SIK2: variants seen among roughly 807,000 people sequenced by gnomAD.
SIK2 encodes salt inducible kinase 2.
A neutral mutation model predicts 103.2 loss-of-function variants in SIK2; 29 were observed. The observed-to-expected ratio is 0.28, with a 90% CI of 0.21 to 0.38. The LOEUF (loss-of-function observed/expected upper bound fraction) is 0.38, where lower values mean the gene tolerates loss of function less well. SIK2 is among the 10% of genes least tolerant of loss of function. SIK2 has a pLI of 1.00. For missense variants in SIK2, 879 were observed against 1,171.0 expected (o/e 0.75, Z 3.64); for synonymous variants, 412 against 446.1 (o/e 0.92, Z 0.96).
At chr11:111,709,800 CCTGT>C (rs1943448611) in intron 8 of SIK2, among the ~76,000 whole-genome samples, 1 of 152,202 alleles carries the variant, frequency 6.6e-6, no homozygotes, top group Non-Finnish European at 1.5e-5. Flanking sequence ...ATTCCTTGAT[CCTGT>C]CTGTTATTCC....
chr11:111,661,390 T>G (rs894657860), intron 3 of SIK2, among the ~76,000 whole-genome samples: 5 of 152,216 alleles, frequency 3.3e-5, no homozygotes, highest in African/African-American at 1.2e-4. Flanking sequence ...GACAGCTGTC[T>G]TCTTTTCAGT....
chr11:111,635,329 T>A (rs1185300996), intron 3 of SIK2, among the ~76,000 whole-genome samples: 1 of 150,770 alleles, frequency 6.6e-6, no homozygotes, highest in Non-Finnish European at 1.5e-5. Context: ...GTAAGTGATT[T>A]ATGTGCTGGG....
Position 111,728,760 on chromosome 11 carries a change from TA to T in SIK2, c.*4636del. On this transcript the variant is annotated 3_prime_UTR_variant, in exon 15 of 15. Coordinates refer to ENST00000304987, the MANE Select transcript of SIK2 (RefSeq NM_015191.3). ...TAACACAGTGAAACGCCGTCTCTACTAAAAATACAAAAAATTAGCCGGGCGT... is the reference window on the plus strand; with the variant it reads ...TAACACAGTGAAACGCCGTCTCTACTAAAATACAAAAAATTAGCCGGGCGT... 6.6e-6 allele frequency: 1 copy of T among 152,140 alleles called. No homozygotes were observed. Among genetic ancestry groups the T allele is most frequent in the Non-Finnish European group, 1.5e-5 (1 of 68,018 alleles). 9.4% of individuals were successfully genotyped at this position (152,140 alleles called of 1,614,324 possible). A position where few individuals can be genotyped will look rare whatever the true frequency, so the allele number is the denominator to read the frequency against.
intron 3 of SIK2, among the ~76,000 whole-genome samples, chr11:111,638,421 T>C (rs1942138762): frequency 6.6e-6 from 1 of 152,164 alleles, no homozygotes; most frequent in South Asian, 2.1e-4. Flanking sequence ...TCATCCTTAT[T>C]TTAGCTTCAT....
At chr11:111,619,647 A>G (rs1380555046) in intron 2 of SIK2, among the ~76,000 whole-genome samples, 1 of 152,122 alleles carries the variant, frequency 6.6e-6, no homozygotes, top group Non-Finnish European at 1.5e-5. Context: ...ACCCAGCCTC[A>G]TTTTCTTTTT....
At chr11:111,609,335 G>T (rs183574833) in intron 1 of SIK2, among the ~76,000 whole-genome samples, 14 of 150,208 alleles carry the variant, frequency 9.3e-5, no homozygotes, top group East Asian at 3.9e-4. Flanking sequence ...TTTTTTTTTG[G>T]GGGGGGGACA....
chr11:111,665,990 G>A (rs1233285550), intron 3 of SIK2, among the ~76,000 whole-genome samples: 2 of 152,154 alleles, frequency 1.3e-5, no homozygotes, highest in Non-Finnish European at 2.9e-5. Context: ...AGAGTTCCAG[G>A]CAGTAGACGC....
At chr11:111,626,935 G>T (rs1812445399) in intron 3 of SIK2, among the ~76,000 whole-genome samples, 1 of 152,052 alleles carries the variant, frequency 6.6e-6, no homozygotes. Flanking sequence ...TTTCCATGTG[G>T]TCAGTTAAAA....
At position 111,722,218 on chromosome 11, in the gene SIK2, T is replaced by C. The variant is rs1023299328; in HGVS notation, c.2055+278T>C. 6.6e-6 allele frequency among the ~76,000 whole-genome samples: 1 copy of C among 152,220 alleles called. No homozygotes were observed. The highest frequency in any genetic ancestry group is 1.5e-5 in the Non-Finnish European group (1 of 68,038). ...GACCTGGCTTCTTTCTTTCTAATTG[T>C]ATTCCTCTTAATGAGTAACAAATAA... is the stretch of plus-strand genomic sequence containing the variant. On this transcript the variant is annotated intron_variant, in intron 13 of 14. Coordinates refer to ENST00000304987, the MANE Select transcript of SIK2 (RefSeq NM_015191.3). This position sits in a 1 kb window ranked among gnomAD's most constrained non-coding sequence, Gnocchi z 4.4.
chr11:111,683,561 C>T (rs1942805438), intron 3 of SIK2: 1 of 152,390 alleles, frequency 6.6e-6, no homozygotes. Context: ...AAGCGATTCT[C>T]CTGCCTCAGC....
chr11:111,696,028 CG>C (rs1041335775), intron 4 of SIK2, among the ~76,000 whole-genome samples: 9 of 152,114 alleles, frequency 5.9e-5, no homozygotes, highest in Admixed American at 5.9e-4. Context: ...TGGTCTGCTG[CG>C]GCTGGTTAAT....
At chr11:111,718,083 A>G (rs1943698133) in intron 9 of SIK2, among the ~76,000 whole-genome samples, 1 of 152,220 alleles carries the variant, frequency 6.6e-6, no homozygotes, top group Non-Finnish European at 1.5e-5. Flanking sequence ...AATTGAAGAA[A>G]AAAAAAGAAC....
chr11:111,702,629 A>G (rs12279755), intron 6 of SIK2, among the ~76,000 whole-genome samples: 8,655 of 152,278 alleles, frequency 0.057, 814 homozygotes, highest in African/African-American at 0.2. Context: ...CGCCTGCCAT[A>G]TAGTGACAGG....
In SIK2 at chr11:111,602,538, C is replaced by T; in HGVS notation, c.-26C>T. ...CCTCCCGCCCGCCCGCGCTCCTGTC[C>T]GCCGTGTCTAGCAGCGGGGCCCAGC... On this transcript the variant is annotated 5_prime_UTR_variant, in exon 1 of 15. Transcript: ENST00000304987. The surrounding 1 kb of genome is among the most constrained non-coding windows in gnomAD (Gnocchi z 4.5). 1.4e-6 allele frequency: 2 copies of T among 1,480,648 alleles called. No homozygotes were observed. Among genetic ancestry groups the T allele is most frequent in the South Asian group, 2.6e-5 (2 of 77,592 alleles). The allele number at this position is 1,480,648 out of a possible 1,614,324, so 91.7% of individuals were successfully genotyped here. A position where few individuals can be genotyped will look rare whatever the true frequency, so the allele number is the denominator to read the frequency against.
chr11:111,722,088 T>C lies in SIK2; in HGVS notation c.2055+148T>C. ...TAGCTTTGACTCTGTACTTGGAGTT[T>C]CTAGAAACGTGTTCAGATCTAGCTT... On this transcript the variant is annotated intron_variant, in intron 13 of 14. Transcript: ENST00000304987. This position sits in a 1 kb window ranked among gnomAD's most constrained non-coding sequence, Gnocchi z 4.4. The C allele has an allele frequency of 1.8e-6, 1 of 550,904 alleles. No individual in the cohort carries two copies. The highest frequency in any genetic ancestry group is 3.1e-6 in the Non-Finnish European group (1 of 326,560). 34.1% of individuals were successfully genotyped at this position (550,904 alleles called of 1,614,324 possible). A position where few individuals can be genotyped will look rare whatever the true frequency, so the allele number is the denominator to read the frequency against.
chr11:111,681,102 T>G (rs576779848), intron 3 of SIK2, among the ~76,000 whole-genome samples: 1 of 152,360 alleles, frequency 6.6e-6, no homozygotes, highest in East Asian at 1.9e-4. Flanking sequence ...TAGGTAGCTG[T>G]TGAAATGTCA....
intron 6 of SIK2, among the ~76,000 whole-genome samples, chr11:111,702,798 G>C (rs752679263): frequency 6.6e-6 from 1 of 152,180 alleles, no homozygotes; most frequent in Non-Finnish European, 1.5e-5. Context: ...GCAGCAGCCC[G>C]TTGGAGAGCT....
chr11:111,611,203 C>T (rs914478845), intron 1 of SIK2, among the ~76,000 whole-genome samples: 4 of 150,788 alleles, frequency 2.7e-5, no homozygotes, highest in African/African-American at 4.9e-5. Context: ...GAGCTGAGAT[C>T]GCGCCAGTGC....
intron 3 of SIK2, among the ~76,000 whole-genome samples, chr11:111,650,509 A>G (rs893809812): frequency 1.3e-5 from 2 of 152,162 alleles, no homozygotes; most frequent in East Asian, 1.9e-4. Context: ...TAATGATATG[A>G]TGCTCTAGTA....
Sources: allele counts gnomAD v4.1 joint callset (sites outside exome capture counted in the v4.1 genomes callset), GRCh38; gene constraint gnomAD v4.1.1; non-coding constraint Gnocchi (gnomAD v3.1); transcripts MANE v1.5; gene names NCBI Gene and HGNC (gene_info 2026-07-23, HGNC 2026-07-21).